The following PCDHGC3 variants were observed in gnomAD, a reference collection of about 807,000 sequenced individuals.
PCDHGC3 encodes the protein protocadherin gamma subfamily C, 3.
A neutral mutation model predicts 59.2 loss-of-function variants in PCDHGC3; 26 were observed. That is an observed-to-expected ratio of 0.44 (90% CI 0.32 to 0.61). The LOEUF (loss-of-function observed/expected upper bound fraction) is 0.61, where lower values mean the gene tolerates loss of function less well. Among genes scored for constraint, PCDHGC3 ranks in the 20% least tolerant of loss-of-function variants. The pLI is 0.05. For synonymous variants in PCDHGC3, 487 were observed against 519.7 expected, an observed-to-expected ratio of 0.94 and a Z score of 0.86; for missense variants, 1,080 against 1,221.8, an observed-to-expected ratio of 0.88 and a Z score of 1.73.
chr5:141,486,017 A>C lies in PCDHGC3; in HGVS notation c.2430+7471A>C, dbSNP rs746747518. 1 of 1,614,176 alleles carries C rather than the reference A, an allele frequency of 6.2e-7. No homozygotes were observed. The highest frequency in any genetic ancestry group is 8.5e-7 in the Non-Finnish European group (1 of 1,180,038). ...CAGTGGTAACGTCACCTTTTATTTC[A>C]GTGGTCATACCCCTGATCGTGTAAG... On this transcript the variant is annotated intron_variant, in intron 1 of 3. Coordinates refer to ENST00000308177, the MANE Select transcript of PCDHGC3 (RefSeq NM_002588.4). This position sits in a 1 kb window ranked among gnomAD's most constrained non-coding sequence, Gnocchi z 5.0.
In PCDHGC3 at chr5:141,485,429, A is replaced by T. The variant is rs1388904857; in HGVS notation, c.2430+6883A>T. On this transcript the variant is annotated intron_variant, in intron 1 of 3. Transcript: ENST00000308177. This position sits in a 1 kb window ranked among gnomAD's most constrained non-coding sequence, Gnocchi z 5.7. Reference sequence around the variant, plus strand: ...GGATTTGGACAGCGGAGCCCTGCTCATCAAGAACCCAATCGACCGAGAGGC... The same window carrying T: ...GGATTTGGACAGCGGAGCCCTGCTCTTCAAGAACCCAATCGACCGAGAGGC... The T allele has an allele frequency of 6.2e-7, 1 of 1,614,090 alleles. No homozygotes were observed. Among genetic ancestry groups the T allele is most frequent in the Non-Finnish European group, 8.5e-7 (1 of 1,180,052 alleles).
Position 141,477,114 on chromosome 5 carries a change from G to C in PCDHGC3, c.998G>C (p.Gly333Ala). ...AAAGACAAGGGCGCCAATCCCGAAG[G>C]AGCACATTGCAAAGTGTTGGTGGAG... is the stretch of plus-strand genomic sequence containing the variant. Reference protein sequence around the residue: ...QAKDKGANPEGAHCKVLVEVV... With the variant: ...QAKDKGANPEAAHCKVLVEVV... The change falls in exon 1 of 4, where the codon GGA (glycine) becomes GCA (alanine). Residue 333 changes from glycine to alanine, a missense_variant. Physicochemically the swap from Gly to Ala is moderately conservative, Grantham distance 60 (BLOSUM62 0). Coordinates refer to ENST00000308177, the MANE Select transcript of PCDHGC3 (RefSeq NM_002588.4). This position sits in a 1 kb window ranked among gnomAD's most constrained non-coding sequence, Gnocchi z 4.9. 4.3e-6 allele frequency: 7 copies of C among 1,614,234 alleles called. No homozygotes were observed. Among genetic ancestry groups the C allele is most frequent in the Non-Finnish European group, 5.9e-6 (7 of 1,180,046 alleles).
chr5:141,509,143 C>G (rs1022878562), intron 3 of PCDHGC3, among the ~76,000 whole-genome samples: 1 of 152,256 alleles, frequency 6.6e-6, no homozygotes, highest in African/African-American at 2.4e-5. Context: ...AGGCGCATCC[C>G]GGCTCTCCCC....
intron 3 of PCDHGC3, among the ~76,000 whole-genome samples, chr5:141,509,700 TGGA>T (rs1407159498): frequency 6.6e-6 from 1 of 152,192 alleles, no homozygotes; most frequent in East Asian, 1.9e-4. Flanking sequence ...GACGTTGGAC[TGGA>T]GGTGCTGTCT....
At position 141,476,387 on chromosome 5, in the gene PCDHGC3, C is replaced by A. The variant is rs147660262; in HGVS notation, c.271C>A (p.Arg91Ser). Reference protein sequence around the residue: ...RETGEMFVNDRLDREELCGTL... With the variant: ...RETGEMFVNDSLDREELCGTL... ...GACCGGAGAGATGTTTGTGAACGAC[C>A]GTCTGGATCGAGAGGAGCTGTGTGG... is the stretch of plus-strand genomic sequence containing the variant. The change falls in exon 1 of 4, where the codon CGT (arginine) becomes AGT (serine). Residue 91 changes from arginine (R) to serine (S), a missense_variant. Arg to Ser is a moderately radical substitution (Grantham distance 110). Transcript: ENST00000308177. The surrounding 1 kb of genome is among the most constrained non-coding windows in gnomAD (Gnocchi z 7.6). 1.2e-6 allele frequency: 2 copies of A among 1,614,076 alleles called. No individual in the cohort carries two copies. Among genetic ancestry groups the A allele is most frequent in the Non-Finnish European group, 8.5e-7 (1 of 1,180,024 alleles).
chr5:141,487,884 A>G lies in PCDHGC3; in HGVS notation c.2431-6923A>G. 1.3e-6 allele frequency: 1 copy of G among 766,716 alleles called. No homozygotes were observed. Among genetic ancestry groups the G allele is most frequent in the Non-Finnish European group, 2.1e-6 (1 of 481,170 alleles). 47.5% of individuals were successfully genotyped at this position (766,716 alleles called of 1,614,324 possible). On this transcript the variant is annotated intron_variant, in intron 1 of 3. Transcript: ENST00000308177. The surrounding 1 kb of genome is among the most constrained non-coding windows in gnomAD (Gnocchi z 5.0). ...GTGATCAAGAGCCAGGCTGTTGTGG[A>G]AGCATGATGATGGAATGTGGGAGCA...
chr5:141,478,329 C>T lies in PCDHGC3; in HGVS notation c.2213C>T (p.Pro738Leu), dbSNP rs1295950117. 6.2e-7 allele frequency: 1 copy of T among 1,613,982 alleles called. No homozygotes were observed. Among genetic ancestry groups the T allele is most frequent in the African/African-American group, 1.3e-5 (1 of 75,078 alleles). Residue 738 changes from proline (P) to leucine (L), a missense_variant, in exon 1 of 4, where the codon CCA becomes CTA. Pro to Leu is a moderately conservative substitution (Grantham distance 98). Transcript: ENST00000308177. ...RAPVSSLYRT[P>L]GPSLHADAVR... ...CCGGTGAGCTCACTGTACCGAACAC[C>T]AGGGCCCTCCTTGCACGCGGACGCC...
rs771162532 is a variant in PCDHGC3, at chr5:141,491,756, C to A, written c.2431-3051C>A. On this transcript the variant is annotated intron_variant, in intron 1 of 3. Transcript: ENST00000308177. The surrounding 1 kb of genome is among the most constrained non-coding windows in gnomAD (Gnocchi z 6.9). ...CCTGGGGGCGGCACTGGAGAAGCCGCCCGTCCTCATAAGGGATTGAACTTG... is the reference window on the plus strand; with the variant it reads ...CCTGGGGGCGGCACTGGAGAAGCCGACCGTCCTCATAAGGGATTGAACTTG... The A allele has an allele frequency of 6.3e-7, 1 of 1,581,720 alleles. No individual in the cohort carries two copies. Among genetic ancestry groups the A allele is most frequent in the Middle Eastern group, 1.7e-4 (1 of 5,958 alleles).
chr5:141,476,054 A>T lies in PCDHGC3; in HGVS notation c.-63A>T. The T allele has an allele frequency of 3.3e-6, 5 of 1,504,982 alleles. No homozygotes were observed. The highest frequency in any genetic ancestry group is 4.4e-6 in the Non-Finnish European group (5 of 1,134,040). 93.2% of individuals were successfully genotyped at this position (1,504,982 alleles called of 1,614,324 possible). A position where few individuals can be genotyped will look rare whatever the true frequency, so the allele number is the denominator to read the frequency against. ...AGCGCCCAAGCGCTAACCCGCTGAA[A>T]GTTTCTCAGCGAAATCTCAGGGACG... On this transcript the variant is annotated 5_prime_UTR_variant, in exon 1 of 4. The change creates a new upstream start codon in the 5' untranslated region. Coordinates refer to ENST00000308177, the MANE Select transcript of PCDHGC3 (RefSeq NM_002588.4). The surrounding 1 kb of genome is among the most constrained non-coding windows in gnomAD (Gnocchi z 7.6).
chr5:141,488,866 G>C (rs957501628), intron 1 of PCDHGC3, among the ~76,000 whole-genome samples: 1 of 152,148 alleles, frequency 6.6e-6, no homozygotes, highest in East Asian at 1.9e-4. Context: ...GAAGTGAGTG[G>C]GGAGGTAGGA....
chr5:141,507,483 T>G (rs2099860964), intron 3 of PCDHGC3, among the ~76,000 whole-genome samples: 1 of 152,184 alleles, frequency 6.6e-6, no homozygotes, highest in South Asian at 2.1e-4. Context: ...GCTGGCCTCC[T>G]GAGGCAGAGC....
At chr5:141,480,871 C>T (rs1262582761) in intron 1 of PCDHGC3, among the ~76,000 whole-genome samples, 1 of 151,930 alleles carries the variant, frequency 6.6e-6, no homozygotes, top group Non-Finnish European at 1.5e-5. Context: ...ATGGTGAAAC[C>T]CCGTCTCTAC....
Position 141,491,103 on chromosome 5 carries a change from G to C in PCDHGC3, c.2431-3704G>C. 1 of 1,614,162 alleles carries C rather than the reference G, an allele frequency of 6.2e-7. No individual in the cohort carries two copies. Among genetic ancestry groups the C allele is most frequent in the South Asian group, 1.1e-5 (1 of 91,082 alleles). On this transcript the variant is annotated intron_variant, in intron 1 of 3. Transcript: ENST00000308177. The surrounding 1 kb of genome is among the most constrained non-coding windows in gnomAD (Gnocchi z 6.9). ...CCACAGCCCCAGGACTGTTCCTCGT[G>C]TCTACACACACTGGTGAGGTGCGCA... is the stretch of plus-strand genomic sequence containing the variant.
chr5:141,487,616 G>T lies in PCDHGC3; in HGVS notation c.2431-7191G>T. The T allele has an allele frequency of 1.2e-6, 2 of 1,614,220 alleles. No homozygotes were observed. The highest frequency in any genetic ancestry group is 1.7e-6 in the Non-Finnish European group (2 of 1,180,044). ...CTCTGATCTTCTCTATGGGCTAGAGGTGAGACCTTTGCAGGCTCAACAAAT... is the reference window on the plus strand; with the variant it reads ...CTCTGATCTTCTCTATGGGCTAGAGTTGAGACCTTTGCAGGCTCAACAAAT... On this transcript the variant is annotated intron_variant, in intron 1 of 3. Coordinates refer to ENST00000308177, the MANE Select transcript of PCDHGC3 (RefSeq NM_002588.4). This position sits in a 1 kb window ranked among gnomAD's most constrained non-coding sequence, Gnocchi z 5.0.
At position 141,490,054 on chromosome 5, in the gene PCDHGC3, G is replaced by A. The variant is rs2099695440; in HGVS notation, c.2431-4753G>A. The A allele has an allele frequency of 6.2e-7, 1 of 1,614,104 alleles. No individual in the cohort carries two copies. The highest frequency in any genetic ancestry group is 1.3e-5 in the African/African-American group (1 of 74,944). ...CCTCAATGCCACTGATCCAGACGAG[G>A]GCACCAACGGCCAACTAGACTATTC... On this transcript the variant is annotated intron_variant, in intron 1 of 3. Transcript: ENST00000308177. This position sits in a 1 kb window ranked among gnomAD's most constrained non-coding sequence, Gnocchi z 5.4.
chr5:141,486,555 A>T lies in PCDHGC3; in HGVS notation c.2430+8009A>T, dbSNP rs746001345. The T allele has an allele frequency of 6.2e-6, 10 of 1,614,078 alleles. No individual in the cohort carries two copies. Among genetic ancestry groups the T allele is most frequent in the Non-Finnish European group, 7.6e-6 (9 of 1,180,022 alleles). ...CCCTCTTTCTTTCAGAGGTCACATGAGGTGTTTGTTCCTGAGAACAATCGC... is the reference window on the plus strand; with the variant it reads ...CCCTCTTTCTTTCAGAGGTCACATGTGGTGTTTGTTCCTGAGAACAATCGC... On this transcript the variant is annotated intron_variant, in intron 1 of 3. Transcript: ENST00000308177. This position sits in a 1 kb window ranked among gnomAD's most constrained non-coding sequence, Gnocchi z 5.0.
In PCDHGC3 at chr5:141,489,117, T is replaced by A; in HGVS notation, c.2431-5690T>A. On this transcript the variant is annotated intron_variant, in intron 1 of 3. Coordinates refer to ENST00000308177, the MANE Select transcript of PCDHGC3 (RefSeq NM_002588.4). The surrounding 1 kb of genome is among the most constrained non-coding windows in gnomAD (Gnocchi z 4.5). ...AAGAACTGCTGCAAGCAGGCAAACCTCCGAGCAGTTTTTAAGAGGCTGGAA... is the reference window on the plus strand; with the variant it reads ...AAGAACTGCTGCAAGCAGGCAAACCACCGAGCAGTTTTTAAGAGGCTGGAA... The A allele has an allele frequency of 1.4e-5, 5 of 370,102 alleles. No homozygotes were observed. The highest frequency in any genetic ancestry group is 2.3e-5 in the Non-Finnish European group (5 of 214,436). 22.9% of individuals were successfully genotyped at this position (370,102 alleles called of 1,614,324 possible).
rs1164046040 is a variant in PCDHGC3, at chr5:141,476,557, C to A, written c.441C>A (p.Ala147=). ...TQEMKLEISE[A]VAPGTRFPLE... ...AAATGAAATTGGAGATTAGCGAGGC[C>A]GTGGCTCCGGGGACGCGCTTTCCGC... is the stretch of plus-strand genomic sequence containing the variant. The change falls in exon 1 of 4, where the codon GCC becomes GCA. Residue 147 remains alanine, a synonymous_variant. Transcript: ENST00000308177. This position sits in a 1 kb window ranked among gnomAD's most constrained non-coding sequence, Gnocchi z 7.6. The A allele has an allele frequency of 2.5e-6, 4 of 1,614,222 alleles. No individual in the cohort carries two copies. Among genetic ancestry groups the A allele is most frequent in the Admixed American group, 3.3e-5 (2 of 60,032 alleles).
rs114669158 is a variant in PCDHGC3 at position 141,511,003 on chromosome 5, G to A, written c.2635G>A (p.Ala879Thr). The change falls in exon 4 of 4, where the codon GCC (alanine) becomes ACC (threonine). Residue 879 changes from alanine to threonine, a missense_variant. Physicochemically the swap from Ala to Thr is moderately conservative, Grantham distance 58 (BLOSUM62 0). Coordinates refer to ENST00000308177, the MANE Select transcript of PCDHGC3 (RefSeq NM_002588.4). Reference protein sequence around the residue: ...GGGAGTMGLSARYGPQFTLQH... With the variant: ...GGGAGTMGLSTRYGPQFTLQH... ...GGGTGCCGGCACCATGGGATTGAGCGCCCGCTACGGACCCCAGTTCACCCT... is the reference window on the plus strand; with the variant it reads ...GGGTGCCGGCACCATGGGATTGAGCACCCGCTACGGACCCCAGTTCACCCT... The A allele has an allele frequency of 1.0e-4, 163 of 1,614,148 alleles. 1 individual carries two copies. The highest frequency in any genetic ancestry group is 9.5e-5 in the Non-Finnish European group (112 of 1,180,012).
Sources: allele counts gnomAD v4.1 joint callset (sites outside exome capture counted in the v4.1 genomes callset), GRCh38; gene constraint gnomAD v4.1.1; non-coding constraint Gnocchi (gnomAD v3.1); transcripts MANE v1.5; gene names NCBI Gene and HGNC (gene_info 2026-07-23, HGNC 2026-07-21).